CLIP4: variants seen among roughly 807,000 people sequenced by gnomAD.
CLIP4 encodes the protein CAP-Gly domain-containing linker protein 4.
CLIP4 carries 47 observed loss-of-function variants against 73.1 expected under a neutral mutation model. That is an observed-to-expected ratio of 0.64 (90% confidence interval 0.51 to 0.82). The LOEUF (loss-of-function observed/expected upper bound fraction) is 0.82, where lower values mean the gene tolerates loss of function less well. Among genes scored for constraint, CLIP4 ranks in the 40% least tolerant of loss-of-function variants. The probability of loss-of-function intolerance (pLI) is 0.00; values close to 1 mark genes in which losing one functional copy is unlikely to be tolerated. For synonymous variants in CLIP4, 306 were observed against 295.4 expected (o/e 1.04, Z -0.37); for missense variants, 874 against 852.9 (o/e 1.02, Z -0.31).
chr2:29,137,917 T>G (rs913036624), intron 6 of CLIP4, among the ~76,000 whole-genome samples: 1 of 152,194 alleles, frequency 6.6e-6, no homozygotes, highest in African/African-American at 2.4e-5. Context: ...TAGTCCTTTG[T>G]TGGATGCATA....
chr2:29,175,853 C>G lies in CLIP4; in HGVS notation c.1796+1408C>G, dbSNP rs183438439. Among the ~76,000 whole-genome samples, 767 of 152,120 alleles carry G rather than the reference C, an allele frequency of 5.0e-3. 1 individual carries two copies. Among genetic ancestry groups the G allele is most frequent in the African/African-American group, 0.017 (718 of 41,484 alleles). On this transcript the variant is annotated intron_variant, in intron 15 of 15. Transcript: ENST00000320081. ...CTCGGCTCACTGCAAGCTCCGCCTC[C>G]CGGGTTCACGCCATTCTTCTGTCTC...
chr2:29,165,866 C>A (rs1173065952), intron 13 of CLIP4, among the ~76,000 whole-genome samples: 3 of 151,878 alleles, frequency 2.0e-5, no homozygotes, highest in African/African-American at 7.3e-5. Context: ...ATGGTTTCAT[C>A]TTTTCCTTCT....
intron 1 of CLIP4, among the ~76,000 whole-genome samples, chr2:29,098,264 C>T (rs1401114034): frequency 6.6e-6 from 1 of 152,198 alleles, no homozygotes; most frequent in Non-Finnish European, 1.5e-5. Flanking sequence ...GAACTAAAGC[C>T]TGTGGTTTAC....
chr2:29,129,420 G>C (rs777133144), intron 2 of CLIP4, among the ~76,000 whole-genome samples: 6 of 151,772 alleles, frequency 4.0e-5, no homozygotes, highest in Non-Finnish European at 7.4e-5. Flanking sequence ...TATGTCTATT[G>C]AACATACATA....
At chr2:29,144,752 A>G (rs1460286241) in intron 7 of CLIP4, among the ~76,000 whole-genome samples, 1 of 149,126 alleles carries the variant, frequency 6.7e-6, no homozygotes, top group Non-Finnish European at 1.5e-5. Flanking sequence ...AGAATGGAAC[A>G]GGGAATTCCT....
intron 6 of CLIP4, among the ~76,000 whole-genome samples, chr2:29,142,507 T>C (rs914937320): frequency 4.0e-4 from 61 of 152,194 alleles, no homozygotes; most frequent in African/African-American, 1.4e-3. Flanking sequence ...TTAGAGAGTA[T>C]ACATTAGTGT....
chr2:29,145,479 G>A, intron 8 of CLIP4, 112 bp downstream of exon 8: 1 of 867,462 alleles, frequency 1.2e-6, no homozygotes, highest in South Asian at 2.2e-5. Context: ...GATAAATGAG[G>A]GGCATGTGGA....
intron 6 of CLIP4, among the ~76,000 whole-genome samples, chr2:29,137,333 A>G (rs975557036): frequency 5.3e-5 from 8 of 152,182 alleles, no homozygotes; most frequent in Non-Finnish European, 7.3e-5. Flanking sequence ...CTCTAGTTGC[A>G]TCCATGTTGT....
At chr2:29,180,344 G>T (rs1320881588) in intron 15 of CLIP4, among the ~76,000 whole-genome samples, 1 of 152,154 alleles carries the variant, frequency 6.6e-6, no homozygotes, top group Non-Finnish European at 1.5e-5. Context: ...GGGCAATATA[G>T]CCTTGAGGCC....
chr2:29,130,736 T>A lies in CLIP4; in HGVS notation c.134-522T>A. 4.0e-6 allele frequency: 5 copies of A among 1,249,782 alleles called. No individual in the cohort carries two copies. The South Asian group carries it at 6.9e-5, about 17-fold the overall frequency. The allele number at this position is 1,249,782 out of a possible 1,614,324, so 77.4% of individuals were successfully genotyped here. ...GTATATGTGTCTTTAGTTTGGTGCCTCTCATCTTTTAGTTATGCTGACTCT... is the reference window on the plus strand; with the variant it reads ...GTATATGTGTCTTTAGTTTGGTGCCACTCATCTTTTAGTTATGCTGACTCT... On this transcript the variant is annotated intron_variant, in intron 2 of 15. Coordinates refer to ENST00000320081, the MANE Select transcript of CLIP4 (RefSeq NM_024692.6).
intron 14 of CLIP4, among the ~76,000 whole-genome samples, chr2:29,168,349 TTG>T: frequency 6.6e-6 from 1 of 152,134 alleles, no homozygotes; most frequent in Admixed American, 6.5e-5. Context: ...GTAGGCTTCT[TTG>T]TGTATTTTGG....
intron 11 of CLIP4, among the ~76,000 whole-genome samples, chr2:29,159,827 C>T (rs570950604): frequency 1.4e-4 from 22 of 152,190 alleles, no homozygotes; most frequent in African/African-American, 5.1e-4. Context: ...CCAAATCTGA[C>T]CTACCACTTG....
chr2:29,105,174 T>C (rs1668165889), intron 1 of CLIP4, among the ~76,000 whole-genome samples: 1 of 152,222 alleles, frequency 6.6e-6, no homozygotes, highest in Non-Finnish European at 1.5e-5. Context: ...GGTGTGTGGC[T>C]AACTTGTCTC....
intron 2 of CLIP4, among the ~76,000 whole-genome samples, chr2:29,122,826 C>CAAAAAAAAAA (rs11364909): frequency 1.6e-4 from 10 of 61,930 alleles, no homozygotes; most frequent in African/African-American, 7.0e-4. Flanking sequence ...ACTTTGTCTC[C>CAAAAAAAAAA]AAAAAAAAAA....
chr2:29,170,753 C>G (rs1667951064), intron 14 of CLIP4, among the ~76,000 whole-genome samples: 1 of 151,052 alleles, frequency 6.6e-6, no homozygotes, highest in Non-Finnish European at 1.5e-5. Context: ...ATCTATGATC[C>G]ATTTTGAGTT....
At chr2:29,156,527 G>GCTACCAAT in intron 10 of CLIP4, 84 bp downstream of exon 10, 1 of 1,003,876 alleles carries the variant, frequency 1.0e-6, no homozygotes, top group Non-Finnish European at 1.5e-6. Context: ...TTTATATGGA[G>GCTACCAAT]GTTAAGTTTT....
chr2:29,131,497 C>T (rs2147949194), intron 3 of CLIP4, 100 bp downstream of exon 3: 16 of 1,257,992 alleles, frequency 1.3e-5, no homozygotes, highest in Non-Finnish European at 1.6e-5. Flanking sequence ...AGGAGAAACC[C>T]TTTAAAAGTT....
At chr2:29,109,391 C>T (rs921235585) in intron 1 of CLIP4, among the ~76,000 whole-genome samples, 1 of 152,074 alleles carries the variant, frequency 6.6e-6, no homozygotes, top group African/African-American at 2.4e-5. Context: ...AATAAAAATA[C>T]ATCATAATTG....
At chr2:29,169,929 A>T (rs566056542) in intron 14 of CLIP4, among the ~76,000 whole-genome samples, 1 of 152,148 alleles carries the variant, frequency 6.6e-6, no homozygotes, top group South Asian at 2.1e-4. Flanking sequence ...CACACCTCCC[A>T]GCCTTTGAGG....
Sources: gnomAD v4.1 joint callset for allele counts (sites outside exome capture counted in the v4.1 genomes callset) on GRCh38, gnomAD v4.1.1 for gene constraint, MANE v1.5 for transcripts, NCBI Gene and HGNC (gene_info 2026-07-23, HGNC 2026-07-21) for gene names.